Variants in MTHFD1L observed in about 807,000 individuals in gnomAD.
MTHFD1L encodes monofunctional C1-tetrahydrofolate synthase, mitochondrial.
MTHFD1L carries 81 observed loss-of-function variants against 119.5 expected under a neutral mutation model. The observed-to-expected ratio is 0.68, with a 90% confidence interval of 0.57 to 0.82. The LOEUF (loss-of-function observed/expected upper bound fraction) is 0.82. MTHFD1L is among the 40% of genes least tolerant of loss of function. The pLI, the probability that MTHFD1L is intolerant of heterozygous loss-of-function variation, is 0.00. For synonymous variants in MTHFD1L, 430 were observed against 475.2 expected (o/e 0.90, Z 1.24); for missense variants, 1,125 against 1,253.4 (o/e 0.90, Z 1.55).
chr6:150,885,849 T>G (rs1366113677), intron 6 of MTHFD1L, 115 bp downstream of exon 6: 7 of 720,330 alleles, frequency 9.7e-6, no homozygotes, highest in Non-Finnish European at 1.1e-5. Context: ...TATTCTGATA[T>G]CCTTTTAGGA....
intron 5 of MTHFD1L, among the ~76,000 whole-genome samples, chr6:150,884,300 C>T (rs1345442372): frequency 2.0e-5 from 3 of 151,964 alleles, no homozygotes; most frequent in Non-Finnish European, 4.4e-5. Context: ...CACCACCACA[C>T]CTGGCTAATT....
chr6:150,915,014 G>A (rs13213420), intron 8 of MTHFD1L, among the ~76,000 whole-genome samples: 7 of 152,094 alleles, frequency 4.6e-5, no homozygotes, highest in African/African-American at 1.2e-4. Context: ...ATGGAGTTTC[G>A]ACTGGAAATA....
intron 26 of MTHFD1L, among the ~76,000 whole-genome samples, chr6:151,038,806 G>T (rs1439399825): frequency 6.6e-5 from 10 of 152,144 alleles, no homozygotes; most frequent in Middle Eastern, 3.2e-3. Flanking sequence ...CCTACCGTGG[G>T]GGCCGGGGGA....
intron 20 of MTHFD1L, among the ~76,000 whole-genome samples, chr6:150,992,152 G>A (rs187847180): frequency 1.3e-5 from 2 of 151,048 alleles, no homozygotes; most frequent in Non-Finnish European, 3.0e-5. Flanking sequence ...TGGACAAATT[G>A]TTATCTAACA....
chr6:150,942,034 G>GGGCA (rs1562423271), intron 13 of MTHFD1L, among the ~76,000 whole-genome samples: 4 of 152,148 alleles, frequency 2.6e-5, no homozygotes, highest in Non-Finnish European at 4.4e-5. Context: ...TGAGGCGAGT[G>GGGCA]GATCACCTGA....
intron 26 of MTHFD1L, chr6:151,056,056 A>G (rs950055306): frequency 4.6e-5 from 7 of 152,094 alleles, no homozygotes; most frequent in African/African-American, 1.7e-4. Flanking sequence ...GAACATGTCT[A>G]TTGTGCCTTG....
intron 5 of MTHFD1L, among the ~76,000 whole-genome samples, chr6:150,884,435 T>C (rs1402157023): frequency 6.6e-6 from 1 of 152,056 alleles, no homozygotes; most frequent in African/African-American, 2.4e-5. Flanking sequence ...CCACCGCGCC[T>C]GGCCCCTTGT....
chr6:151,067,058 A>G (rs1232004217), intron 26 of MTHFD1L, among the ~76,000 whole-genome samples: 1 of 149,934 alleles, frequency 6.7e-6, no homozygotes, highest in Non-Finnish European at 1.5e-5. Context: ...CAGTGTTGCA[A>G]TCATGGCTCA....
intron 20 of MTHFD1L, among the ~76,000 whole-genome samples, chr6:151,007,591 C>T (rs28569191): frequency 0.015 from 2,305 of 152,272 alleles, 63 homozygotes; most frequent in African/African-American, 0.052. Flanking sequence ...TCCGGGGTCC[C>T]GTCCGTGTGC....
At chr6:151,043,049 C>T (rs1257224098) in intron 26 of MTHFD1L, among the ~76,000 whole-genome samples, 4 of 152,010 alleles carry the variant, frequency 2.6e-5, no homozygotes, top group Non-Finnish European at 5.9e-5. Flanking sequence ...GTTGGGACAG[C>T]AAAGAAAGGC....
intron 20 of MTHFD1L, among the ~76,000 whole-genome samples, chr6:150,996,102 G>A (rs1184390267): frequency 6.6e-6 from 1 of 152,206 alleles, no homozygotes. Flanking sequence ...TGAACTGCGG[G>A]CCTCTTCAGG....
At chr6:150,932,840 A>AAGGAAGGAAGGAAGGG (rs1310185848) in intron 11 of MTHFD1L, among the ~76,000 whole-genome samples, 1 of 143,022 alleles carries the variant, frequency 7.0e-6, no homozygotes, top group Non-Finnish European at 1.5e-5. Flanking sequence ...GGAAGGAAGG[A>AAGGAAGGAAGGAAGGG]AGGGAGAGAG....
At chr6:151,075,746 A>G (rs150496820) in intron 26 of MTHFD1L, among the ~76,000 whole-genome samples, 1 of 152,354 alleles carries the variant, frequency 6.6e-6, no homozygotes, top group African/African-American at 2.4e-5. Context: ...AAGGGCTCAA[A>G]TCATACAAAA....
At chr6:150,932,874 A>AGGAG (rs1791387937) in intron 11 of MTHFD1L, among the ~76,000 whole-genome samples, 1 of 144,998 alleles carries the variant, frequency 6.9e-6, no homozygotes, top group African/African-American at 2.6e-5. Flanking sequence ...CCTTAAGGAA[A>AGGAG]GAAGGAAGGA....
chr6:150,953,789 T>G (rs1378265733), intron 16 of MTHFD1L, among the ~76,000 whole-genome samples: 2 of 152,116 alleles, frequency 1.3e-5, no homozygotes, highest in African/African-American at 2.4e-5. Flanking sequence ...TTAAAGAAAT[T>G]TGATAAAAAG....
At chr6:150,880,178 G>GTA (rs1781172971) in intron 4 of MTHFD1L, among the ~76,000 whole-genome samples, 1 of 152,102 alleles carries the variant, frequency 6.6e-6, no homozygotes, top group Admixed American at 6.5e-5. Flanking sequence ...ACTCTACTAT[G>GTA]TAAGAGAACA....
intron 7 of MTHFD1L, among the ~76,000 whole-genome samples, chr6:150,890,510 C>A (rs1051753367): frequency 6.6e-6 from 1 of 152,140 alleles, no homozygotes; most frequent in Non-Finnish European, 1.5e-5. Context: ...CCCTGAGCAT[C>A]TTCTGGAGCT....
chr6:150,986,359 C>G (rs1276215233), intron 20 of MTHFD1L, among the ~76,000 whole-genome samples: 2 of 152,088 alleles, frequency 1.3e-5, no homozygotes, highest in Admixed American at 6.6e-5. Flanking sequence ...GTGATATAAC[C>G]CTTAAATTCC....
At chr6:151,012,073 T>G (rs999681628) in intron 21 of MTHFD1L, among the ~76,000 whole-genome samples, 1 of 141,948 alleles carries the variant, frequency 7.0e-6, no homozygotes, top group Non-Finnish European at 1.5e-5. Context: ...CAGGAAGCCC[T>G]GTGAAGCTAG....
Sources: gnomAD v4.1 joint callset for allele counts (sites outside exome capture counted in the v4.1 genomes callset) on GRCh38, gnomAD v4.1.1 for gene constraint, MANE v1.5 for transcripts, NCBI Gene and HGNC (gene_info 2026-07-23, HGNC 2026-07-21) for gene names.